MTUS2: variants seen among roughly 807,000 people sequenced by gnomAD.
MTUS2 encodes microtubule-associated tumor suppressor candidate 2.
A neutral mutation model predicts 114.1 loss-of-function variants in MTUS2; 40 were observed. That is an observed-to-expected ratio of 0.35 (90% CI 0.27 to 0.46). MTUS2 has a LOEUF of 0.46. Among genes scored for constraint, MTUS2 ranks in the 20% least tolerant of loss-of-function variants. The pLI is 1.00. For missense variants in MTUS2, 1,679 were observed against 1,705.4 expected (o/e 0.98, Z 0.27); for synonymous variants, 688 against 672.0 (o/e 1.02, Z -0.37).
At chr13:29,088,623 A>G (rs1889802925) in intron 4 of MTUS2, among the ~76,000 whole-genome samples, 1 of 152,188 alleles carries the variant, frequency 6.6e-6, no homozygotes, top group Non-Finnish European at 1.5e-5. Context: ...TAGGTCTTTA[A>G]TGAATCTTGG....
At chr13:29,346,972 C>T (rs920927570) in intron 7 of MTUS2, among the ~76,000 whole-genome samples, 6 of 151,660 alleles carry the variant, frequency 4.0e-5, no homozygotes, top group East Asian at 2.0e-4. Context: ...TGGGGGCAGT[C>T]GTTCCCCTTT....
chr13:29,270,848 A>G (rs1026508059), intron 5 of MTUS2, among the ~76,000 whole-genome samples: 7 of 152,204 alleles, frequency 4.6e-5, no homozygotes, highest in Admixed American at 2.6e-4. Flanking sequence ...GATGGCGGGC[A>G]CATGAGCCGC....
At chr13:28,928,654 T>C (rs759528826) in intron 2 of MTUS2, among the ~76,000 whole-genome samples, 3 of 152,178 alleles carry the variant, frequency 2.0e-5, no homozygotes, top group Admixed American at 6.5e-5. Flanking sequence ...GTACGGCTAC[T>C]ATGGAAAACA....
chr13:28,855,682 C>A (rs1306409942), intron 2 of MTUS2, among the ~76,000 whole-genome samples: 1 of 152,116 alleles, frequency 6.6e-6, no homozygotes, highest in East Asian at 1.9e-4. Flanking sequence ...CATTGATGGG[C>A]ATTTGGGTTG....
chr13:28,901,117 A>G (rs983659782), intron 2 of MTUS2, among the ~76,000 whole-genome samples: 1 of 152,172 alleles, frequency 6.6e-6, no homozygotes, highest in African/African-American at 2.4e-5. Flanking sequence ...CATTTCCCAA[A>G]TGAAGAATGA....
At position 28,832,070 on chromosome 13, in the gene MTUS2, C is replaced by G. The variant is rs143559602; in HGVS notation, c.-315-7708C>G. ...TGAGCCACTGTGCCTGGCATCAATA[C>G]CTCATTTTCAAAAATGGGTTGAAAC... On this transcript the variant is annotated intron_variant, in intron 1 of 15. Coordinates refer to ENST00000612955, the MANE Select transcript of MTUS2 (RefSeq NM_001033602.4). 3.3e-5 allele frequency among the ~76,000 whole-genome samples: 5 copies of G among 152,038 alleles called. No individual in the cohort carries two copies. In the East Asian group the frequency reaches 9.7e-4, roughly 30 times the overall value.
At chr13:29,030,675 C>T (rs1019140270) in intron 3 of MTUS2, among the ~76,000 whole-genome samples, 12 of 152,156 alleles carry the variant, frequency 7.9e-5, no homozygotes, top group Admixed American at 2.0e-4. Context: ...AGGAAAAGAA[C>T]ACATTTTTGA....
At chr13:28,917,868 C>A (rs970993242) in intron 2 of MTUS2, among the ~76,000 whole-genome samples, 1 of 151,706 alleles carries the variant, frequency 6.6e-6, no homozygotes, top group African/African-American at 2.4e-5. Flanking sequence ...CTGTAAACTT[C>A]CCTTTTAGTA....
intron 8 of MTUS2, among the ~76,000 whole-genome samples, chr13:29,399,256 A>G (rs932377970): frequency 2.6e-5 from 4 of 152,044 alleles, no homozygotes; most frequent in African/African-American, 9.7e-5. Context: ...TCTCGTCTCT[A>G]TCTTGGTTTT....
intron 9 of MTUS2, among the ~76,000 whole-genome samples, chr13:29,451,026 A>G (rs1018677148): frequency 2.0e-5 from 3 of 152,232 alleles, no homozygotes; most frequent in Non-Finnish European, 4.4e-5. Flanking sequence ...CTGAGTAACA[A>G]TAGAAAAAGC....
chr13:29,395,967 A>T (rs974528751), intron 8 of MTUS2, among the ~76,000 whole-genome samples: 1 of 152,192 alleles, frequency 6.6e-6, no homozygotes, highest in Non-Finnish European at 1.5e-5. Context: ...ACACTGAGCA[A>T]GTACTCCTCT....
At chr13:28,821,807 A>G (rs2137915637) in intron 1 of MTUS2, among the ~76,000 whole-genome samples, 1 of 152,372 alleles carries the variant, frequency 6.6e-6, no homozygotes, top group East Asian at 1.9e-4. Flanking sequence ...ATACGTTGTT[A>G]GAAACATGGG....
chr13:28,837,069 C>T lies in MTUS2; in HGVS notation c.-315-2709C>T, dbSNP rs118076727. ...AGTATGTGAAGCATACCTGATGGTC[C>T]AGCTCAGACTCCTGCTGAATCGAGA... On this transcript the variant is annotated intron_variant, in intron 1 of 15. Transcript: ENST00000612955. Among the ~76,000 whole-genome samples the T allele has an allele frequency of 4.9e-3, 753 of 152,210 alleles. 6 individuals carry two copies. Among genetic ancestry groups the T allele is most frequent in the South Asian group, 0.015 (72 of 4,818 alleles).
At chr13:28,980,232 C>T (rs1271694044) in intron 2 of MTUS2, among the ~76,000 whole-genome samples, 2 of 152,112 alleles carry the variant, frequency 1.3e-5, no homozygotes, top group Non-Finnish European at 2.9e-5. Context: ...CAGTTCTTTT[C>T]CCAAGAATGT....
At chr13:29,296,105 G>A (rs1265866010) in intron 6 of MTUS2, among the ~76,000 whole-genome samples, 1 of 152,184 alleles carries the variant, frequency 6.6e-6, no homozygotes, top group Admixed American at 6.5e-5. Flanking sequence ...ATTTGGGAGT[G>A]CAGATATCTC....
At chr13:28,944,339 A>C (rs1211498717) in intron 2 of MTUS2, among the ~76,000 whole-genome samples, 1 of 152,150 alleles carries the variant, frequency 6.6e-6, no homozygotes, top group Admixed American at 6.6e-5. Flanking sequence ...TGTATAGAGA[A>C]ATTTTCAATT....
At chr13:29,261,112 A>G (rs1296262188) in intron 5 of MTUS2, among the ~76,000 whole-genome samples, 1 of 152,222 alleles carries the variant, frequency 6.6e-6, no homozygotes, top group East Asian at 1.9e-4. Flanking sequence ...GGAGTTTTCT[A>G]GCTCCCAAGA....
chr13:29,106,626 A>G (rs918996966), intron 5 of MTUS2, among the ~76,000 whole-genome samples: 2 of 152,082 alleles, frequency 1.3e-5, no homozygotes, highest in Non-Finnish European at 2.9e-5. Flanking sequence ...AAGTGCTGGG[A>G]TTACAGGCAT....
chr13:29,050,683 G>T (rs1593422837), intron 4 of MTUS2, among the ~76,000 whole-genome samples: 1 of 152,206 alleles, frequency 6.6e-6, no homozygotes, highest in East Asian at 1.9e-4. Flanking sequence ...CTGTGTTCCT[G>T]CAGAGAAGGA....
Sources: gnomAD v4.1 joint callset for allele counts (sites outside exome capture counted in the v4.1 genomes callset) on GRCh38, gnomAD v4.1.1 for gene constraint, MANE v1.5 for transcripts, NCBI Gene and HGNC (gene_info 2026-07-23, HGNC 2026-07-21) for gene names.